Variants in FRMD4B observed in about 807,000 individuals in gnomAD.
FRMD4B encodes the protein FERM domain containing 4B.
FRMD4B carries 74 observed loss-of-function variants against 141.5 expected under a neutral mutation model. That is an observed-to-expected ratio of 0.52 (90% CI 0.43 to 0.63). The LOEUF (loss-of-function observed/expected upper bound fraction) is 0.63. FRMD4B is among the 30% of genes least tolerant of loss of function. The pLI is 0.00. For synonymous variants in FRMD4B, 506 were observed against 467.9 expected (o/e 1.08, Z -1.05); for missense variants, 1,366 against 1,253.4 (o/e 1.09, Z -1.36).
At chr3:69,496,943 G>C (rs191086784) in intron 1 of FRMD4B, among the ~76,000 whole-genome samples, 426 of 151,244 alleles carry the variant, frequency 2.8e-3, no homozygotes, top group Non-Finnish European at 5.7e-3. Context: ...CCCAATAACA[G>C]CTTGCTTCCC....
chr3:69,460,870 A>G (rs971549990), intron 1 of FRMD4B, among the ~76,000 whole-genome samples: 1 of 152,192 alleles, frequency 6.6e-6, no homozygotes, highest in Non-Finnish European at 1.5e-5. Flanking sequence ...GAACTACCAG[A>G]TTACGTGATC....
At chr3:69,312,074 C>T (rs899031833) in intron 2 of FRMD4B, among the ~76,000 whole-genome samples, 8 of 152,144 alleles carry the variant, frequency 5.3e-5, no homozygotes, top group African/African-American at 1.7e-4. Context: ...TTCCACACAT[C>T]ATCATCAACA....
chr3:69,429,274 A>G (rs957568181), intron 2 of FRMD4B, among the ~76,000 whole-genome samples: 2 of 152,334 alleles, frequency 1.3e-5, no homozygotes, highest in South Asian at 2.1e-4. Context: ...ATAAATCCCT[A>G]AAAGTTATGT....
At chr3:69,295,511 A>T (rs921990666) in intron 4 of FRMD4B, among the ~76,000 whole-genome samples, 2 of 152,088 alleles carry the variant, frequency 1.3e-5, no homozygotes, top group Non-Finnish European at 2.9e-5. Context: ...TTGTAGAGAC[A>T]GAGTTTCGCC....
At chr3:69,240,482 C>CAAAAA (rs11344881) in intron 7 of FRMD4B, among the ~76,000 whole-genome samples, 32 of 72,378 alleles carry the variant, frequency 4.4e-4, no homozygotes, top group East Asian at 1.4e-3. Context: ...GACTCTGTCT[C>CAAAAA]AAAAAAAAAA....
chr3:69,403,232 C>G (rs1704595840), intron 2 of FRMD4B, among the ~76,000 whole-genome samples: 1 of 152,164 alleles, frequency 6.6e-6, no homozygotes, highest in African/African-American at 2.4e-5. Flanking sequence ...AAAAATCATT[C>G]CTTCCTGATA....
chr3:69,197,246 C>A (rs929269697), intron 12 of FRMD4B, among the ~76,000 whole-genome samples: 2 of 152,102 alleles, frequency 1.3e-5, no homozygotes, highest in African/African-American at 4.8e-5. Context: ...GGATAAACAG[C>A]ATGTTTAAAA....
intron 1 of FRMD4B, among the ~76,000 whole-genome samples, chr3:69,451,912 G>A (rs559767418): frequency 6.6e-6 from 1 of 152,352 alleles, no homozygotes; most frequent in South Asian, 2.1e-4. Flanking sequence ...ATAACATACT[G>A]TGCAGAAAGA....
At position 69,188,587 on chromosome 3, in the gene FRMD4B, C is replaced by G. The variant is rs376307270; in HGVS notation, c.1772-670G>C. Among the ~76,000 whole-genome samples, 3 of 151,654 alleles carry G rather than the reference C, an allele frequency of 2.0e-5. No homozygotes were observed. The East Asian group carries it at 5.9e-4, about 30-fold the overall frequency. On this transcript the variant is annotated intron_variant, in intron 18 of 22. Transcript: ENST00000398540. ...CCTGGCTAACAAGGTGAAACCCCGT[C>G]TCTACTAAAAATACAAAAAATTAGC... is the stretch of plus-strand genomic sequence containing the variant.
At chr3:69,475,260 G>T (rs1446026623) in intron 1 of FRMD4B, among the ~76,000 whole-genome samples, 1 of 151,588 alleles carries the variant, frequency 6.6e-6, no homozygotes, top group Non-Finnish European at 1.5e-5. Flanking sequence ...AAATGTGCAG[G>T]TTAGTTACAT....
chr3:69,262,662 T>A (rs547003704), intron 5 of FRMD4B, among the ~76,000 whole-genome samples: 5 of 151,546 alleles, frequency 3.3e-5, no homozygotes, highest in Non-Finnish European at 5.9e-5. Context: ...TGTCTCCATG[T>A]TGGTCAGGCT....
At position 69,169,448 on chromosome 3, in the gene FRMD4B, C is replaced by T. The variant is rs2092564663; in HGVS notation, c.*2413G>A. 6.6e-6 allele frequency among the ~76,000 whole-genome samples: 1 copy of T among 150,712 alleles called. No individual in the cohort carries two copies. Among genetic ancestry groups the T allele is most frequent in the Non-Finnish European group, 1.5e-5 (1 of 67,876 alleles). ...TCCTGGCTCACTGCAACCTCCGCCT[C>T]CTGGGCTCAAGATATCCTCCCAACT... On this transcript the variant is annotated 3_prime_UTR_variant, in exon 23 of 23. Transcript: ENST00000398540.
intron 5 of FRMD4B, among the ~76,000 whole-genome samples, chr3:69,277,084 A>AAAATAAACATGATTGCAT (rs1343209561): frequency 6.6e-6 from 1 of 152,208 alleles, no homozygotes; most frequent in Non-Finnish European, 1.5e-5. Flanking sequence ...AGGGAAGATA[A>AAAATAAACATGATTGCAT]AAATAAACAT....
At chr3:69,450,029 A>C (rs1043302316) in intron 1 of FRMD4B, among the ~76,000 whole-genome samples, 2 of 150,972 alleles carry the variant, frequency 1.3e-5, no homozygotes, top group Non-Finnish European at 2.9e-5. Context: ...TAAAATGGGG[A>C]GAACAAGGTT....
chr3:69,308,735 C>T (rs780825162), intron 3 of FRMD4B, among the ~76,000 whole-genome samples: 25 of 151,942 alleles, frequency 1.6e-4, no homozygotes, highest in East Asian at 3.9e-4. Flanking sequence ...CCACTGTGCC[C>T]GGCCTTGTTT....
chr3:69,254,191 G>A (rs1451829917), intron 5 of FRMD4B, among the ~76,000 whole-genome samples: 3 of 151,650 alleles, frequency 2.0e-5, no homozygotes, highest in East Asian at 1.9e-4. Context: ...CACAACCTCC[G>A]CCTCCCGAGT....
At chr3:69,419,811 C>A (rs1282582008) in intron 2 of FRMD4B, among the ~76,000 whole-genome samples, 2 of 152,190 alleles carry the variant, frequency 1.3e-5, no homozygotes, top group Admixed American at 1.3e-4. Context: ...GAAGAACTTG[C>A]AGACTGAGAT....
In FRMD4B at chr3:69,420,290, C is replaced by CCAAAAA. The variant is rs1553641598; in HGVS notation, c.-1+12343_-1+12344insTTTTTG. ...GTGTAACTTGTATGAAAAGGGATAT[C>CCAAAAA]AAAAAAAAAAAAAAACAACCAAAAC... On this transcript the variant is annotated intron_variant, in intron 2 of 5. Coordinates refer to the FRMD4B transcript ENST00000459638. 7.6e-5 allele frequency among the ~76,000 whole-genome samples: 10 copies of CCAAAAA among 132,012 alleles called. No homozygotes were observed. The South Asian group carries it at 2.2e-3, about 30-fold the overall frequency. 86.6% of individuals were successfully genotyped at this position (132,012 alleles called of 152,430 possible).
At chr3:69,210,077 A>G (rs531265090) in intron 11 of FRMD4B, among the ~76,000 whole-genome samples, 1 of 150,888 alleles carries the variant, frequency 6.6e-6, no homozygotes, top group East Asian at 1.9e-4. Context: ...CAATATATAT[A>G]GAGACAGAAA....
Sources: gnomAD v4.1 joint callset for allele counts (sites outside exome capture counted in the v4.1 genomes callset) on GRCh38, gnomAD v4.1.1 for gene constraint, MANE v1.5 for transcripts, NCBI Gene and HGNC (gene_info 2026-07-23, HGNC 2026-07-21) for gene names.